Variants in HSPA12B observed in about 807,000 individuals in gnomAD.
HSPA12B encodes heat shock 70 kDa protein 12B.
In HSPA12B, 54 loss-of-function variants were observed where a neutral mutation model predicts 69.3. That is an observed-to-expected ratio of 0.78 (90% CI 0.63 to 0.98). The LOEUF is 0.98. HSPA12B is among the 50% of genes least tolerant of loss of function. The pLI is 0.00. For synonymous variants in HSPA12B, 441 were observed against 436.5 expected (o/e 1.01, Z -0.13); for missense variants, 929 against 999.8 (o/e 0.93, Z 0.96).
At chr20:3,742,183 G>A (rs898824458) in intron 3 of HSPA12B, 101 bp from the exon 4 acceptor site, 2 of 1,531,872 alleles carry the variant, frequency 1.3e-6, no homozygotes, top group African/African-American at 1.4e-5. Context: ...ACCACAGTCA[G>A]TGGAGGGGAG....
chr20:3,742,688 GT>G (rs922077268), intron 4 of HSPA12B, among the ~76,000 whole-genome samples: 2 of 149,144 alleles, frequency 1.3e-5, no homozygotes, highest in Admixed American at 6.7e-5. Context: ...ATATGCAAAT[GT>G]TTTTTATTTT....
rs754173316 is a variant in HSPA12B, at chr20:3,751,557, C to A, written c.1452C>A (p.Phe484Leu). ...RPEVQGVKLL[F>L]LVGGFAESAV... ...AGGTGCAGGGTGTGAAGCTGCTGTT[C>A]CTAGTGGGCGGCTTCGCCGAGTCAG... The change falls in exon 13 of 13, where the codon TTC becomes TTA. Residue 484 changes from phenylalanine to leucine, a missense_variant. This residue lies in a region of HSPA12B where 448 missense variants were observed against 448.1 expected (regional missense o/e 1.00). Coordinates refer to ENST00000254963, the MANE Select transcript of HSPA12B (RefSeq NM_052970.5). The A allele has an allele frequency of 6.0e-6, 9 of 1,495,208 alleles. No homozygotes were observed. Among genetic ancestry groups the A allele is most frequent in the Non-Finnish European group, 8.0e-6 (9 of 1,124,362 alleles). 92.6% of individuals were successfully genotyped at this position (1,495,208 alleles called of 1,614,324 possible).
At chr20:3,746,174 T>G in intron 7 of HSPA12B, 143 bp downstream of exon 7, 3 of 634,054 alleles carry the variant, frequency 4.7e-6, no homozygotes, top group Non-Finnish European at 8.4e-6. Context: ...GTTTGTAGAG[T>G]TGCTCCCACC....
At position 3,740,165 on chromosome 20, in the gene HSPA12B, G is replaced by A. The variant is rs1242094058; in HGVS notation, c.44-650G>A. Reference sequence around the variant, plus strand: ...GTGTGTGTATGTGTGTGTGTGGGGGGTGGGAATCAGACTTCCTAATGTTGT... The same window carrying A: ...GTGTGTGTATGTGTGTGTGTGGGGGATGGGAATCAGACTTCCTAATGTTGT... On this transcript the variant is annotated intron_variant, in intron 2 of 12. Coordinates refer to ENST00000254963, the MANE Select transcript of HSPA12B (RefSeq NM_052970.5). This position sits in a 1 kb window ranked among gnomAD's most constrained non-coding sequence, Gnocchi z 4.9. Among the ~76,000 whole-genome samples the A allele has an allele frequency of 6.6e-6, 1 of 151,946 alleles. No individual in the cohort carries two copies. The highest frequency in any genetic ancestry group is 1.5e-5 in the Non-Finnish European group (1 of 67,984).
chr20:3,747,971 C>T (rs1840054361), intron 7 of HSPA12B, among the ~76,000 whole-genome samples: 1 of 152,266 alleles, frequency 6.6e-6, no homozygotes, highest in East Asian at 1.9e-4. Flanking sequence ...TGTCTAGAGT[C>T]TTTTCCTGCT....
Position 3,749,099 on chromosome 20 carries a change from G to T in HSPA12B, c.851-133G>T. ...TTCAGGATTGCCCTCTCCCAGTCAG[G>T]AGCAGGTTGGAGTTTCAGGAGCACT... On this transcript the variant is annotated intron_variant, in intron 8 of 12. Coordinates refer to ENST00000254963, the MANE Select transcript of HSPA12B (RefSeq NM_052970.5). This position sits in a 1 kb window ranked among gnomAD's most constrained non-coding sequence, Gnocchi z 5.5. The T allele has an allele frequency of 1.4e-6, 1 of 697,324 alleles. No individual in the cohort carries two copies. The highest frequency in any genetic ancestry group is 2.5e-6 in the Non-Finnish European group (1 of 406,662). The allele number at this position is 697,324 out of a possible 1,614,324, so 43.2% of individuals were successfully genotyped here.
In HSPA12B at chr20:3,745,162, C is replaced by G; in HGVS notation, c.453+74C>G. On this transcript the variant is annotated intron_variant, in intron 5 of 12. Transcript: ENST00000254963. This position sits in a 1 kb window ranked among gnomAD's most constrained non-coding sequence, Gnocchi z 5.6. Reference sequence around the variant, plus strand: ...GCAGGGCTAATGGGGGTGGGTGGGACAAAACCAAAACGTGTGAGGACCGGC... The same window carrying G: ...GCAGGGCTAATGGGGGTGGGTGGGAGAAAACCAAAACGTGTGAGGACCGGC... The G allele has an allele frequency of 7.7e-7, 1 of 1,303,306 alleles. No individual in the cohort carries two copies. Among genetic ancestry groups the G allele is most frequent in the Non-Finnish European group, 1.1e-6 (1 of 929,554 alleles). 80.7% of individuals were successfully genotyped at this position (1,303,306 alleles called of 1,614,324 possible). A position where few individuals can be genotyped will look rare whatever the true frequency, so the allele number is the denominator to read the frequency against.
At chr20:3,738,466 C>T (rs1010069274) in intron 1 of HSPA12B, among the ~76,000 whole-genome samples, 192 bp from the exon 2 acceptor site, 2 of 152,136 alleles carry the variant, frequency 1.3e-5, no homozygotes, top group Non-Finnish European at 2.9e-5. Flanking sequence ...AATGGTGTTG[C>T]GATGACATTG....
In HSPA12B at chr20:3,750,191, G is replaced by C; in HGVS notation, c.1265G>C (p.Arg422Pro). 3 of 1,608,844 alleles carry C rather than the reference G, an allele frequency of 1.9e-6. No individual in the cohort carries two copies. Among genetic ancestry groups the C allele is most frequent in the Non-Finnish European group, 2.5e-6 (3 of 1,177,176 alleles). The change falls in exon 11 of 13, where the codon CGG (arginine) becomes CCG (proline). Residue 422 changes from arginine to proline, a missense_variant. Physicochemically the swap from Arg to Pro is moderately radical, Grantham distance 103. Around this residue, in one of 3 missense-constraint regions of HSPA12B, gnomAD observed 448 missense variants for 448.1 expected, o/e 1.00. Transcript: ENST00000254963. ...FSFIDFYRKQRGHNVETALRR... is the reference protein window; with the variant it reads ...FSFIDFYRKQPGHNVETALRR... ...TTCATTGACTTCTACCGCAAGCAGC[G>C]GGGCCACAACGTGGAGACCGCTCTG... is the stretch of plus-strand genomic sequence containing the variant.
rs1054810962 is a variant in HSPA12B at position 3,750,156 on chromosome 20, G to A, written c.1230G>A (p.Leu410=). The A allele has an allele frequency of 1.2e-6, 2 of 1,611,508 alleles. No homozygotes were observed. Among genetic ancestry groups the A allele is most frequent in the Non-Finnish European group, 1.7e-6 (2 of 1,179,214 alleles). ...PHRAGALNIS[L]PFSFIDFYRK... ...GTGCAGGGGCGCTCAACATCTCGCT[G>A]CCCTTCTCCTTCATTGACTTCTACC... Residue 410 remains leucine, a synonymous_variant, in exon 11 of 13, where the codon CTG becomes CTA. Transcript: ENST00000254963.
At position 3,745,677 on chromosome 20, in the gene HSPA12B, T is replaced by C; in HGVS notation, c.558+80T>C. The C allele has an allele frequency of 1.6e-6, 2 of 1,281,350 alleles. No individual in the cohort carries two copies. Among genetic ancestry groups the C allele is most frequent in the Non-Finnish European group, 2.2e-6 (2 of 891,010 alleles). The allele number at this position is 1,281,350 out of a possible 1,614,324, so 79.4% of individuals were successfully genotyped here. A position where few individuals can be genotyped will look rare whatever the true frequency, so the allele number is the denominator to read the frequency against. ...CATCCGAAACCGCTCCCCCATCCCGTCCCCGACATTGGATGGGTAGCCACC... is the reference window on the plus strand; with the variant it reads ...CATCCGAAACCGCTCCCCCATCCCGCCCCCGACATTGGATGGGTAGCCACC... On this transcript the variant is annotated intron_variant, in intron 6 of 12. Coordinates refer to ENST00000254963, the MANE Select transcript of HSPA12B (RefSeq NM_052970.5). This position sits in a 1 kb window ranked among gnomAD's most constrained non-coding sequence, Gnocchi z 5.6.
Position 3,738,602 on chromosome 20 carries a change from A to G in HSPA12B, c.-17-56A>G, listed in dbSNP as rs1600309293. The G allele has an allele frequency of 2.7e-6, 4 of 1,506,746 alleles. No homozygotes were observed. In the South Asian group the frequency reaches 4.5e-5, roughly 17 times the overall value. The allele number at this position is 1,506,746 out of a possible 1,614,324, so 93.3% of individuals were successfully genotyped here. ...ACAAATAAAATAAATAAGCATTCAGATGAGGGAACAAAGGGACAAATAAAT... is the reference window on the plus strand; with the variant it reads ...ACAAATAAAATAAATAAGCATTCAGGTGAGGGAACAAAGGGACAAATAAAT... On this transcript the variant is annotated intron_variant, in intron 1 of 12. Coordinates refer to ENST00000254963, the MANE Select transcript of HSPA12B (RefSeq NM_052970.5).
At position 3,738,717 on chromosome 20, in the gene HSPA12B, G is replaced by A. The variant is rs753113770; in HGVS notation, c.43G>A (p.Gly15Ser). 7.4e-6 allele frequency: 12 copies of A among 1,614,128 alleles called. No individual in the cohort carries two copies. The highest frequency in any genetic ancestry group is 3.3e-5 in the Admixed American group (2 of 60,014). ...PEMGLQGLYI[G>S]SSPERSPVPS... ...GATGGGCCTGCAGGGGCTGTACATC[G>A]GTAAGAACCCCCACCATTCTGCCCT... is the stretch of plus-strand genomic sequence containing the variant. The change falls in exon 2 of 13, where the codon GGC (glycine) becomes AGC (serine). Residue 15 changes from glycine (G) to serine (S), a missense_variant and splice_region_variant. Coordinates refer to ENST00000254963, the MANE Select transcript of HSPA12B (RefSeq NM_052970.5).
chr20:3,750,130 C>A lies in HSPA12B; in HGVS notation c.1204C>A (p.Arg402Ser), dbSNP rs1261594567. 2 of 1,611,962 alleles carry A rather than the reference C, an allele frequency of 1.2e-6. No individual in the cohort carries two copies. Among genetic ancestry groups the A allele is most frequent in the Non-Finnish European group, 1.7e-6 (2 of 1,179,506 alleles). The stretch of plus-strand genomic sequence containing the variant: ...TCGCAAGCGCACTGCTGGCCCACAC[C>A]GTGCAGGGGCGCTCAACATCTCGCT... ...EARKRTAGPH[R>S]AGALNISLPF... The change falls in exon 11 of 13, where the codon CGT (arginine) becomes AGT (serine). Residue 402 changes from arginine (R) to serine (S), a missense_variant. Coordinates refer to ENST00000254963, the MANE Select transcript of HSPA12B (RefSeq NM_052970.5).
chr20:3,742,882 G>GTT (rs369009157), intron 4 of HSPA12B, among the ~76,000 whole-genome samples: 29,474 of 146,082 alleles, frequency 0.2, 3,151 homozygotes, highest in Middle Eastern at 0.26. Context: ...GGGGTTTTTT[G>GTT]TTTTTTTTTG....
Position 3,744,666 on chromosome 20 carries a change from T to C in HSPA12B, c.267-236T>C, listed in dbSNP as rs975235252. On this transcript the variant is annotated intron_variant, in intron 4 of 12. Transcript: ENST00000254963. This position sits in a 1 kb window ranked among gnomAD's most constrained non-coding sequence, Gnocchi z 4.9. ...AGTGACCTTTCTTTCTAAAGGCAAA[T>C]GTGGTCATACCTCTTGGCTACTTTA... Among the ~76,000 whole-genome samples the C allele has an allele frequency of 5.9e-5, 9 of 152,210 alleles. No homozygotes were observed. The highest frequency in any genetic ancestry group is 2.2e-4 in the African/African-American group (9 of 41,458).
At position 3,745,765 on chromosome 20, in the gene HSPA12B, C is replaced by T; in HGVS notation, c.559-150C>T. 1.1e-6 allele frequency: 1 copy of T among 930,172 alleles called. No homozygotes were observed. Among genetic ancestry groups the T allele is most frequent in the East Asian group, 2.4e-5 (1 of 41,702 alleles). 57.6% of individuals were successfully genotyped at this position (930,172 alleles called of 1,614,324 possible). A position where few individuals can be genotyped will look rare whatever the true frequency, so the allele number is the denominator to read the frequency against. On this transcript the variant is annotated intron_variant, in intron 6 of 12. Transcript: ENST00000254963. The surrounding 1 kb of genome is among the most constrained non-coding windows in gnomAD (Gnocchi z 5.6). ...CCCTTTTTGTCTGGTAGAGCCTGCA[C>T]CAAGCCATACTGATGGGAGGGGGGC...
chr20:3,752,384 G>A lies in HSPA12B; in HGVS notation c.*218G>A, dbSNP rs2088444727. 2 of 483,614 alleles carry A rather than the reference G, an allele frequency of 4.1e-6. No individual in the cohort carries two copies. Among genetic ancestry groups the A allele is most frequent in the East Asian group, 6.9e-5 (2 of 28,896 alleles). The allele number at this position is 483,614 out of a possible 1,614,324, so 30.0% of individuals were successfully genotyped here. Reference sequence around the variant, plus strand: ...GCACTGGTCCGCTGACTGCCAGGCTGAAGGGACCCGCCAAGGACTGAACGG... The same window carrying A: ...GCACTGGTCCGCTGACTGCCAGGCTAAAGGGACCCGCCAAGGACTGAACGG... On this transcript the variant is annotated 3_prime_UTR_variant, in exon 13 of 13. Coordinates refer to ENST00000254963, the MANE Select transcript of HSPA12B (RefSeq NM_052970.5).
chr20:3,749,734 G>A lies in HSPA12B; in HGVS notation c.938-16G>A, dbSNP rs765475142. On this transcript the variant is annotated splice_polypyrimidine_tract_variant and intron_variant, in intron 9 of 12. Coordinates refer to ENST00000254963, the MANE Select transcript of HSPA12B (RefSeq NM_052970.5). The surrounding 1 kb of genome is among the most constrained non-coding windows in gnomAD (Gnocchi z 5.5). ...CGAGGCCGCCCACGAGTGTGTGCCC[G>A]CGCTCGCCGCCGCAGGAGACCGCTA... 35 of 1,553,922 alleles carry A rather than the reference G, an allele frequency of 2.3e-5. No individual in the cohort carries two copies. The South Asian group carries it at 2.4e-4, about 11-fold the overall frequency.
Sources: allele counts gnomAD v4.1 joint callset (sites outside exome capture counted in the v4.1 genomes callset), GRCh38; gene constraint gnomAD v4.1.1; regional missense constraint gnomAD v4.1.1; non-coding constraint Gnocchi (gnomAD v3.1); transcripts MANE v1.5; gene names NCBI Gene and HGNC (gene_info 2026-07-23, HGNC 2026-07-21).